Variants in TRIM21 observed in about 807,000 individuals in gnomAD.
The protein encoded by TRIM21 is E3 ubiquitin-protein ligase TRIM21.
A neutral mutation model predicts 36.1 loss-of-function variants in TRIM21; 35 were observed. The ratio of observed to expected loss-of-function variants is 0.97; its 90% CI spans 0.74 to 1.28. The LOEUF is 1.28. Among genes scored for constraint, TRIM21 ranks in the 50% most tolerant of loss-of-function variants. The probability of loss-of-function intolerance (pLI) is 0.00; values close to 1 mark genes in which losing one functional copy is unlikely to be tolerated. For missense variants in TRIM21, 635 were observed against 570.7 expected, an observed-to-expected ratio of 1.11 and a Z score of -1.15; for synonymous variants, 256 against 211.5, an observed-to-expected ratio of 1.21 and a Z score of -1.83.
At position 4,386,200 on chromosome 11, in the gene TRIM21, C is replaced by G. The variant is rs777154358; in HGVS notation, c.816G>C (p.Val272=). 13 of 1,613,830 alleles carry G rather than the reference C, an allele frequency of 8.1e-6. No homozygotes were observed. The Admixed American group carries it at 2.2e-4, about 27-fold the overall frequency. Residue 272 remains valine (V), a synonymous_variant, in exon 6 of 7, where the codon GTG becomes GTC. Transcript: ENST00000254436. ...TCTTCTTCAGCCCTGGCACATGGCA[C>G]ACACTCCTGAGTTCTGGAGAGGTAA... is the stretch of plus-strand genomic sequence containing the variant. ...LDITSPELRS[V]CHVPGLKKML...
intron 5 of TRIM21, among the ~76,000 whole-genome samples, chr11:4,386,630 G>T (rs2094956579): frequency 6.6e-6 from 1 of 152,160 alleles, no homozygotes; most frequent in Non-Finnish European, 1.5e-5. Flanking sequence ...CTTTTTGGGA[G>T]GTAACTGGTT....
chr11:4,385,503 G>C lies in TRIM21; in HGVS notation c.1210C>G (p.Pro404Ala). ...TCCAGGAAAATCCCAACTTGGCATG[G>C]AGGCACCTGAAGGTGGAGGGGAGTC... ...PQTPLHLQVP[P>A]CQVGIFLDYE... is the part of the protein sequence containing the mutation. Residue 404 changes from proline (P) to alanine (A), a missense_variant, in exon 7 of 7, where the codon CCA becomes GCA. By Grantham distance (27) the Pro-to-Ala change is conservative. Coordinates refer to ENST00000254436, the MANE Select transcript of TRIM21 (RefSeq NM_003141.4). 4 of 1,611,988 alleles carry C rather than the reference G, an allele frequency of 2.5e-6. No homozygotes were observed. The highest frequency in any genetic ancestry group is 3.4e-6 in the Non-Finnish European group (4 of 1,178,996).
intron 2 of TRIM21, 94 bp downstream of exon 2, chr11:4,389,908 C>A (rs1416379011): frequency 1.3e-6 from 2 of 1,537,150 alleles, no homozygotes; most frequent in South Asian, 1.2e-5. Flanking sequence ...AGAGGTAAAC[C>A]CCTCCTTTCT....
In TRIM21 at chr11:4,385,622, C is replaced by T. The variant is rs201211100; in HGVS notation, c.1091G>A (p.Arg364His). Residue 364 changes from arginine (R) to histidine (H), a missense_variant, in exon 7 of 7, where the codon CGC (arginine) becomes CAC (histidine). Physicochemically the swap from Arg to His is conservative, Grantham distance 29. Transcript: ENST00000254436. ...WDLGVCRDSV[R>H]RKGHFLLSSK... ...ACTAAGCAAAAAGTGCCCCTTCCTG[C>T]GCACAGAGTCTCTGCAGACACCCAG... 87 of 1,612,440 alleles carry T rather than the reference C, an allele frequency of 5.4e-5. No individual in the cohort carries two copies. Among genetic ancestry groups the T allele is most frequent in the East Asian group, 6.7e-5 (3 of 44,860 alleles).
Position 4,390,038 on chromosome 11 carries a change from G to A in TRIM21, c.372C>T (p.Ala124=), listed in dbSNP as rs996987953. ...GTGCAGCCTCCTCAAGAGGGACCAT[G>A]GCGTGGTCACGGTGTTTCCGAGACT... is the stretch of plus-strand genomic sequence containing the variant. ...CAQSRKHRDH[A]MVPLEEAAQE... Residue 124 remains alanine, a synonymous_variant, in exon 2 of 7, where the codon GCC becomes GCT. Coordinates refer to ENST00000254436, the MANE Select transcript of TRIM21 (RefSeq NM_003141.4). 6 of 1,613,808 alleles carry A rather than the reference G, an allele frequency of 3.7e-6. No individual in the cohort carries two copies. In the African/African-American group the frequency reaches 8.0e-5, roughly 22 times the overall value.
chr11:4,388,666 C>A (rs1385915943), intron 3 of TRIM21, 136 bp from the exon 4 acceptor site: 6 of 758,698 alleles, frequency 7.9e-6, no homozygotes, highest in Non-Finnish European at 1.1e-5. Context: ...CACATGCACA[C>A]GCACACGCGC....
intron 1 of TRIM21, among the ~76,000 whole-genome samples, chr11:4,393,135 T>C (rs2094965059): frequency 6.6e-6 from 1 of 152,216 alleles, no homozygotes; most frequent in East Asian, 1.9e-4. Context: ...TCTGAAGGCC[T>C]ATACATTTCT....
rs1388350017 is a variant in TRIM21 at position 4,388,405 on chromosome 11, G to C, written c.630C>G (p.Ile210Met). 1 of 1,613,824 alleles carries C rather than the reference G, an allele frequency of 6.2e-7. No homozygotes were observed. Among genetic ancestry groups the C allele is most frequent in the Non-Finnish European group, 8.5e-7 (1 of 1,179,896 alleles). The change falls in exon 4 of 7, where the codon ATC (isoleucine) becomes ATG (methionine). Residue 210 changes from isoleucine (I) to methionine (M), a missense_variant. Transcript: ENST00000254436. ...LEKDEREQLR[I>M]LGEKEAKLAQ... is the part of the protein sequence containing the mutation. Reference sequence around the variant, plus strand: ...CCAGCTTGGCCTCTTTCTCCCCCAGGATTCTCAGCTGCTCCCTCTCATCCT... The same window carrying C: ...CCAGCTTGGCCTCTTTCTCCCCCAGCATTCTCAGCTGCTCCCTCTCATCCT...
Position 4,385,548 on chromosome 11 carries a change from C to T in TRIM21, c.1165G>A (p.Glu389Lys). ...GGAGTCTGGGGGTAGGTGCCAGCCTCATATTTTTGTTTGTTCCACAACCAA... is the reference window on the plus strand; with the variant it reads ...GGAGTCTGGGGGTAGGTGCCAGCCTTATATTTTTGTTTGTTCCACAACCAA... Reference protein sequence around the residue: ...TIWLWNKQKYEAGTYPQTPLH... With the variant: ...TIWLWNKQKYKAGTYPQTPLH... The change falls in exon 7 of 7, where the codon GAG becomes AAG. Residue 389 changes from glutamate (E) to lysine (K), a missense_variant. Coordinates refer to ENST00000254436, the MANE Select transcript of TRIM21 (RefSeq NM_003141.4). 1 of 1,612,118 alleles carries T rather than the reference C, an allele frequency of 6.2e-7. No homozygotes were observed. Among genetic ancestry groups the T allele is most frequent in the Non-Finnish European group, 8.5e-7 (1 of 1,179,098 alleles).
intron 1 of TRIM21, among the ~76,000 whole-genome samples, chr11:4,391,509 C>T (rs956969153): frequency 6.6e-6 from 1 of 152,146 alleles, no homozygotes; most frequent in Non-Finnish European, 1.5e-5. Flanking sequence ...CTACAGAGAA[C>T]AGTTTGGAGG....
Position 4,390,462 on chromosome 11 carries a change from G to C in TRIM21, c.-49-4C>G. 1 of 1,519,034 alleles carries C rather than the reference G, an allele frequency of 6.6e-7. No individual in the cohort carries two copies. Among genetic ancestry groups the C allele is most frequent in the Non-Finnish European group, 8.9e-7 (1 of 1,128,756 alleles). The allele number at this position is 1,519,034 out of a possible 1,614,324, so 94.1% of individuals were successfully genotyped here. A position where few individuals can be genotyped will look rare whatever the true frequency, so the allele number is the denominator to read the frequency against. The stretch of plus-strand genomic sequence containing the variant: ...TGGAGACCTTTAGGGGGTTTGGCTG[G>C]GAGAGAAGAAGAAAGGGAAAAGAGA... On this transcript the variant is annotated splice_polypyrimidine_tract_variant and splice_region_variant and intron_variant, in intron 1 of 6. Transcript: ENST00000254436.
At chr11:4,385,964 C>T in intron 6 of TRIM21, 111 bp from the exon 7 acceptor site, 1 of 1,203,930 alleles carries the variant, frequency 8.3e-7, no homozygotes. Context: ...GGGTGAACCT[C>T]CCTGTGTGAG....
At chr11:4,389,786 A>G in intron 2 of TRIM21, 37 bp from the exon 3 acceptor site, 3 of 1,587,978 alleles carry the variant, frequency 1.9e-6, no homozygotes, top group Non-Finnish European at 2.6e-6. Flanking sequence ...CCCCATGCAA[A>G]CCAAGTAATA....
rs201531249 is a variant in TRIM21 at position 4,388,335 on chromosome 11, G to T, written c.700C>A (p.Arg234=). 1 of 1,613,762 alleles carries T rather than the reference G, an allele frequency of 6.2e-7. No individual in the cohort carries two copies. The highest frequency in any genetic ancestry group is 1.3e-5 in the African/African-American group (1 of 74,910). ...ALQELISELD[R]RCHSSALELL... ...TCCAGTGCTGAGCTGTGGCACCTTC[G>T]ATCTAGCTCTGAGATGAGCTCCTGT... Residue 234 remains arginine (R), a synonymous_variant, in exon 4 of 7, where the codon CGA becomes AGA. Coordinates refer to ENST00000254436, the MANE Select transcript of TRIM21 (RefSeq NM_003141.4).
At chr11:4,389,351 C>T (rs570846476) in intron 3 of TRIM21, among the ~76,000 whole-genome samples, 24 of 152,298 alleles carry the variant, frequency 1.6e-4, no homozygotes, top group African/African-American at 3.4e-4. Flanking sequence ...CAGGTGCTGA[C>T]GCCATCACAC....
rs1429697436 is a variant in TRIM21, at chr11:4,385,695, C to T, written c.1018G>A (p.Gly340Arg). The T allele has an allele frequency of 2.5e-6, 4 of 1,613,260 alleles. No homozygotes were observed. The highest frequency in any genetic ancestry group is 3.4e-6 in the Non-Finnish European group (4 of 1,179,584). ...ACATCTACCTCCCAGTAATGTTTTC[C>T]AGAGTGAAAGTGCTGGGCACCCAGG... ...MVLGAQHFHS[G>R]KHYWEVDVTG... The change falls in exon 7 of 7, where the codon GGA (glycine) becomes AGA (arginine). Residue 340 changes from glycine to arginine, a missense_variant. Transcript: ENST00000254436.
intron 2 of TRIM21, 123 bp downstream of exon 2, chr11:4,389,879 T>G: frequency 6.7e-7 from 1 of 1,497,202 alleles, no homozygotes; most frequent in Non-Finnish European, 9.2e-7. Context: ...ATAATTCTCC[T>G]CCTACATTAG....
chr11:4,389,011 G>T (rs1169511369), intron 3 of TRIM21, among the ~76,000 whole-genome samples: 1 of 152,116 alleles, frequency 6.6e-6, no homozygotes, highest in Non-Finnish European at 1.5e-5. Flanking sequence ...TTAGTAACTG[G>T]AAGGTCACTC....
intron 5 of TRIM21, 103 bp from the exon 6 acceptor site, chr11:4,386,360 A>C: frequency 1.0e-6 from 1 of 959,560 alleles, no homozygotes; most frequent in Non-Finnish European, 1.6e-6. Flanking sequence ...TTCAACTCAA[A>C]TTTACAAAGA....
Sources: gnomAD v4.1 joint callset for allele counts (sites outside exome capture counted in the v4.1 genomes callset) on GRCh38, gnomAD v4.1.1 for gene constraint, MANE v1.5 for transcripts, NCBI Gene and HGNC (gene_info 2026-07-23, HGNC 2026-07-21) for gene names.